NOSTRIN: variants seen among roughly 807,000 people sequenced by gnomAD.
NOSTRIN encodes the protein nitric oxide synthase trafficking, also known as BM247 homolog.
NOSTRIN carries 63 observed loss-of-function variants against 59.0 expected under a neutral mutation model. That is an observed-to-expected ratio of 1.07 (90% CI 0.87 to 1.32). The LOEUF is 1.32. Ranked by LOEUF, NOSTRIN falls within the 40% of genes most tolerant of loss-of-function variation. The probability of loss-of-function intolerance (pLI) is 0.00; values close to 1 mark genes in which losing one functional copy is unlikely to be tolerated. For missense variants in NOSTRIN, 512 were observed against 473.1 expected, an observed-to-expected ratio of 1.08 and a Z score of -0.76; for synonymous variants, 200 against 165.4, an observed-to-expected ratio of 1.21 and a Z score of -1.61.
At chr2:168,860,670 A>T in intron 13 of NOSTRIN, 125 bp from the exon 14 acceptor site, 1 of 223,536 alleles carries the variant, frequency 4.5e-6, no homozygotes. Flanking sequence ...GACTCTGTCT[A>T]AAAAAAAAAA....
upstream of NOSTRIN, among the ~76,000 whole-genome samples, chr2:168,797,327 G>C (rs1439876237): frequency 6.6e-6 from 1 of 151,812 alleles, no homozygotes; most frequent in African/African-American, 2.4e-5. Flanking sequence ...GAACTCCTGG[G>C]CTCAAGCAAC....
intron 2 of NOSTRIN, among the ~76,000 whole-genome samples, chr2:168,821,441 C>T (rs1388806341): frequency 6.6e-6 from 1 of 152,230 alleles, no homozygotes; most frequent in Non-Finnish European, 1.5e-5. Context: ...CTTATTCATT[C>T]ATTCATTTGT....
intron 15 of NOSTRIN, among the ~76,000 whole-genome samples, chr2:168,862,632 CAGTCT>C (rs1214278716): frequency 6.6e-6 from 1 of 152,218 alleles, no homozygotes; most frequent in African/African-American, 2.4e-5. Flanking sequence ...TTTTTACAGC[CAGTCT>C]AAAGAGTGAG....
At chr2:168,859,302 GAC>G in intron 12 of NOSTRIN, 1 of 572,628 alleles carries the variant, frequency 1.7e-6, no homozygotes, top group Admixed American at 3.6e-5. Context: ...TACAGAATGA[GAC>G]ACACTCAACA....
At chr2:168,787,219 C>T (rs375067686) in intron 1 of NOSTRIN, among the ~76,000 whole-genome samples, 11 of 152,264 alleles carry the variant, frequency 7.2e-5, no homozygotes, top group Admixed American at 4.6e-4. Flanking sequence ...TAGCGTGAAG[C>T]AGTGAGGCAG....
rs779475008 is a variant in NOSTRIN at position 168,864,921 on chromosome 2, A to ATGTGGAGGAGTTACCTTCAAAT, written c.1473_1494dup (p.Ala499CysfsTer50). 1 of 1,614,144 alleles carries ATGTGGAGGAGTTACCTTCAAAT rather than the reference A, an allele frequency of 6.2e-7. No homozygotes were observed. Among genetic ancestry groups the ATGTGGAGGAGTTACCTTCAAAT allele is most frequent in the East Asian group, 2.2e-5 (1 of 44,862 alleles). Reference sequence around the variant, plus strand: ...AAAAAAGGCCATTTTCCTGCCGCTTATGTGGAGGAGTTACCTTCAAATGCT... The same window carrying ATGTGGAGGAGTTACCTTCAAAT: ...AAAAAAGGCCATTTTCCTGCCGCTTATGTGGAGGAGTTACCTTCAAATTGTGGAGGAGTTACCTTCAAATGCT... On this transcript the variant is annotated frameshift_variant, in exon 16 of 16. Coordinates refer to ENST00000317647, the MANE Select transcript of NOSTRIN (RefSeq NM_001039724.4). LOFTEE classifies it high-confidence loss of function.
intron 5 of NOSTRIN, among the ~76,000 whole-genome samples, 164 bp downstream of exon 5, chr2:168,828,665 A>G (rs1466529953): frequency 6.6e-6 from 1 of 152,112 alleles, no homozygotes; most frequent in Non-Finnish European, 1.5e-5. Flanking sequence ...AATAAAAAAC[A>G]CAAATCCAAG....
At chr2:168,804,618 A>C (rs1013772367) in intron 1 of NOSTRIN, among the ~76,000 whole-genome samples, 1 of 152,192 alleles carries the variant, frequency 6.6e-6, no homozygotes, top group Non-Finnish European at 1.5e-5. Flanking sequence ...CCAAAGCTTT[A>C]ACCACCTGCA....
chr2:168,811,666 GT>G lies in NOSTRIN; in HGVS notation c.113+17del. ...TCTTCAGCAAAGGTACAAAATGCAC[GT>G]TTGCAATAAATGGTTCTTCCTCTTT... On this transcript the variant is annotated intron_variant, in intron 2 of 15. Coordinates refer to ENST00000317647, the MANE Select transcript of NOSTRIN (RefSeq NM_001039724.4). The G allele has an allele frequency of 1.2e-6, 1 of 835,304 alleles. No individual in the cohort carries two copies. The highest frequency in any genetic ancestry group is 1.4e-5 in the South Asian group (1 of 69,330). The allele number at this position is 835,304 out of a possible 1,614,324, so 51.7% of individuals were successfully genotyped here. A position where few individuals can be genotyped will look rare whatever the true frequency, so the allele number is the denominator to read the frequency against.
intron 5 of NOSTRIN, among the ~76,000 whole-genome samples, chr2:168,830,489 C>G (rs1303363433): frequency 6.6e-6 from 1 of 152,154 alleles, no homozygotes; most frequent in Non-Finnish European, 1.5e-5. Flanking sequence ...GAACCATATA[C>G]TCTAAATTTA....
In NOSTRIN at chr2:168,815,225, A is replaced by G. The variant is rs16855947; in HGVS notation, c.113+3573A>G. 9.5e-3 allele frequency among the ~76,000 whole-genome samples: 1,449 copies of G among 152,334 alleles called. 55 individuals are homozygous for G. In the East Asian group the frequency reaches 0.11, roughly 12 times the overall value. On this transcript the variant is annotated intron_variant, in intron 2 of 15. Coordinates refer to ENST00000317647, the MANE Select transcript of NOSTRIN (RefSeq NM_001039724.4). ...CACTCTTTTGCCTGGATATTCTGCA[A>G]TTCATGGTCATGCTTAGCTTCTTTT...
intron 8 of NOSTRIN, among the ~76,000 whole-genome samples, chr2:168,845,978 C>T (rs1688395220): frequency 6.6e-6 from 1 of 152,092 alleles, no homozygotes; most frequent in African/African-American, 2.4e-5. Flanking sequence ...CCACCTTCCT[C>T]TGAGTTCTCT....
intron 2 of NOSTRIN, among the ~76,000 whole-genome samples, chr2:168,814,750 G>A (rs1285100829): frequency 6.6e-6 from 1 of 152,186 alleles, no homozygotes; most frequent in Admixed American, 6.5e-5. Context: ...AATGCATTCA[G>A]TAAATACTTG....
At chr2:168,815,929 C>G (rs1176249225) in intron 2 of NOSTRIN, among the ~76,000 whole-genome samples, 1 of 152,210 alleles carries the variant, frequency 6.6e-6, no homozygotes, top group East Asian at 1.9e-4. Context: ...CCATCTGTAT[C>G]CATGATTCTG....
At chr2:168,843,846 A>G (rs1343163509) in intron 8 of NOSTRIN, among the ~76,000 whole-genome samples, 1 of 152,234 alleles carries the variant, frequency 6.6e-6, no homozygotes, top group East Asian at 1.9e-4. Context: ...TTAGGCATAT[A>G]TCCTACAGAA....
chr2:168,825,540 T>TTG, intron 3 of NOSTRIN, among the ~76,000 whole-genome samples: 1 of 152,188 alleles, frequency 6.6e-6, no homozygotes, highest in Non-Finnish European at 1.5e-5. Flanking sequence ...ATGTGCTCTA[T>TTG]TGTGTGTGTG....
chr2:168,864,439 C>G (rs1308217299), intron 15 of NOSTRIN, among the ~76,000 whole-genome samples: 1 of 151,996 alleles, frequency 6.6e-6, no homozygotes, highest in African/African-American at 2.4e-5. Context: ...GCGTGCGCCA[C>G]CACACCCAGC....
intron 2 of NOSTRIN, among the ~76,000 whole-genome samples, chr2:168,791,226 A>T (rs551849083): frequency 6.6e-6 from 1 of 152,190 alleles, no homozygotes; most frequent in African/African-American, 2.4e-5. Flanking sequence ...CCCACCTGTG[A>T]GTGAGAACAT....
chr2:168,794,542 G>A (rs781524476), upstream of NOSTRIN, among the ~76,000 whole-genome samples: 3 of 151,934 alleles, frequency 2.0e-5, no homozygotes, highest in Non-Finnish European at 4.4e-5. Flanking sequence ...TACTAGAGAC[G>A]GGGTTTCACT....
Sources: gnomAD v4.1 joint callset for allele counts (sites outside exome capture counted in the v4.1 genomes callset) on GRCh38, gnomAD v4.1.1 for gene constraint, MANE v1.5 for transcripts, NCBI Gene and HGNC (gene_info 2026-07-23, HGNC 2026-07-21) for gene names.